SHROOM4: variants seen among roughly 807,000 people sequenced by gnomAD.
SHROOM4 encodes the protein protein Shroom4.
A neutral mutation model predicts 80.3 loss-of-function variants in SHROOM4; 17 were observed. That is an observed-to-expected ratio of 0.21 (90% confidence interval 0.14 to 0.32). The LOEUF (loss-of-function observed/expected upper bound fraction) is 0.32. Among genes scored for constraint, SHROOM4 ranks in the 10% least tolerant of loss-of-function variants. The pLI is 1.00. For synonymous variants in SHROOM4, 400 were observed against 437.5 expected, an observed-to-expected ratio of 0.91 and a Z score of 1.07; for missense variants, 993 against 1,140.3, an observed-to-expected ratio of 0.87 and a Z score of 1.86.
At position 50,596,835 on chromosome X, in the gene SHROOM4, G is replaced by A; in HGVS notation, c.4342C>T (p.Leu1448Phe). ...MVSRYLPQDQ[L>F]QDYQHFVKMK... Reference sequence around the variant, plus strand: ...TTGACAAAGTGCTGGTAATCTTGGAGCTGGTCCTGAGGCAGGTAGCGGGAG... The same window carrying A: ...TTGACAAAGTGCTGGTAATCTTGGAACTGGTCCTGAGGCAGGTAGCGGGAG... Residue 1448 changes from leucine (L) to phenylalanine (F), a missense_variant, in exon 9 of 9, where the codon CTC (leucine) becomes TTC (phenylalanine). Transcript: ENST00000376020. 6 of 1,211,202 alleles carry A rather than the reference G, an allele frequency of 5.0e-6. No homozygotes were observed. Among genetic ancestry groups the A allele is most frequent in the Non-Finnish European group, 6.7e-6 (6 of 895,061 alleles).
intron 1 of SHROOM4, among the ~76,000 whole-genome samples, chrX:50,728,043 T>C (rs1460525209): frequency 8.9e-6 from 1 of 112,033 alleles, no homozygotes; most frequent in Non-Finnish European, 1.9e-5. Flanking sequence ...GGTAGCTCTG[T>C]GATACTAGTG....
At chrX:50,672,994 T>C (rs1436940041) in intron 2 of SHROOM4, among the ~76,000 whole-genome samples, 1 of 111,188 alleles carries the variant, frequency 9.0e-6, no homozygotes, top group Admixed American at 9.5e-5. Context: ...GAGGCAAAAC[T>C]AACAGCATTC....
intron 1 of SHROOM4, among the ~76,000 whole-genome samples, chrX:50,802,161 G>C (rs1408530220): frequency 2.7e-5 from 3 of 112,052 alleles, no homozygotes; most frequent in Non-Finnish European, 5.6e-5. Context: ...GCAAGACAAA[G>C]CTATGGCCAG....
chrX:50,794,069 G>T (rs1419954543), intron 1 of SHROOM4, among the ~76,000 whole-genome samples: 3 of 110,652 alleles, frequency 2.7e-5, no homozygotes, highest in Non-Finnish European at 3.8e-5. Flanking sequence ...GCCAGAGAGA[G>T]AAATCAAGAG....
At chrX:50,672,282 G>A (rs1241143274) in intron 2 of SHROOM4, among the ~76,000 whole-genome samples, 2 of 111,886 alleles carry the variant, frequency 1.8e-5, no homozygotes, top group Non-Finnish European at 1.9e-5. Flanking sequence ...CATGAAGTGA[G>A]AACATGCTAT....
intron 6 of SHROOM4, among the ~76,000 whole-genome samples, chrX:50,606,118 A>C (rs1929656257): frequency 9.3e-6 from 1 of 107,257 alleles, no homozygotes; most frequent in South Asian, 4.3e-4. Flanking sequence ...TTTAGGGTAC[A>C]TGTGCACATT....
At chrX:50,637,207 G>A (rs868993620) in intron 3 of SHROOM4, among the ~76,000 whole-genome samples, 1 of 111,728 alleles carries the variant, frequency 9.0e-6, no homozygotes, top group African/African-American at 3.3e-5. Flanking sequence ...ACTAGAACCC[G>A]AGAGGTTGCA....
At chrX:50,788,659 A>G in intron 1 of SHROOM4, among the ~76,000 whole-genome samples, 1 of 111,652 alleles carries the variant, frequency 9.0e-6, no homozygotes, top group Non-Finnish European at 1.9e-5. Flanking sequence ...AAAATTGGCA[A>G]TACTAAGTTC....
chrX:50,803,480 G>A (rs1936169351), intron 1 of SHROOM4, among the ~76,000 whole-genome samples: 1 of 111,968 alleles, frequency 8.9e-6, no homozygotes, highest in African/African-American at 3.2e-5. Flanking sequence ...TGTGTCTTTA[G>A]GACATGCAGT....
chrX:50,587,362 G>A lies in SHROOM4; in HGVS notation c.*9333C>T, dbSNP rs1301131449. 8.9e-6 allele frequency among the ~76,000 whole-genome samples: 1 copy of A among 112,072 alleles called. No individual in the cohort carries two copies. Among genetic ancestry groups the A allele is most frequent in the Non-Finnish European group, 1.9e-5 (1 of 53,179 alleles). On this transcript the variant is annotated 3_prime_UTR_variant, in exon 9 of 9. Coordinates refer to ENST00000376020, the MANE Select transcript of SHROOM4 (RefSeq NM_020717.5). ...AATATTAAGAATACGATGACCATATGATGCAGAGATTCTTCTTCTGGGTAA... is the reference window on the plus strand; with the variant it reads ...AATATTAAGAATACGATGACCATATAATGCAGAGATTCTTCTTCTGGGTAA...
intron 2 of SHROOM4, among the ~76,000 whole-genome samples, chrX:50,682,073 C>A (rs782011260): frequency 1.3e-4 from 14 of 111,915 alleles, no homozygotes; most frequent in Admixed American, 3.8e-4. Flanking sequence ...TATATTTGGA[C>A]GTCTTACAGA....
At chrX:50,600,014 G>A (rs1249105363) in intron 7 of SHROOM4, among the ~76,000 whole-genome samples, 2 of 110,692 alleles carry the variant, frequency 1.8e-5, no homozygotes, top group Admixed American at 9.7e-5. Flanking sequence ...TTTTAGAGTC[G>A]GAGACATCTG....
intron 2 of SHROOM4, among the ~76,000 whole-genome samples, chrX:50,693,568 A>G (rs1933280438): frequency 3.0e-5 from 3 of 99,498 alleles, no homozygotes; most frequent in African/African-American, 4.4e-5. Context: ...TCCATTTCAA[A>G]AAAAAAAAAA....
Position 50,596,802 on chromosome X carries a change from A to G in SHROOM4, c.4375T>C (p.Ser1459Pro). Residue 1459 changes from serine (S) to proline (P), a missense_variant, in exon 9 of 9, where the codon TCT (serine) becomes CCT (proline). Ser to Pro is a moderately conservative substitution (Grantham distance 74). Coordinates refer to ENST00000376020, the MANE Select transcript of SHROOM4 (RefSeq NM_020717.5). The part of the protein sequence containing the change: ...QDYQHFVKMK[S>P]ALIIEQRELE... The stretch of plus-strand genomic sequence containing the variant: ...TCTCGCTGTTCAATGATGAGAGCAG[A>G]TTTCATCTTGACAAAGTGCTGGTAA... The G allele has an allele frequency of 8.3e-7, 1 of 1,211,249 alleles. No homozygotes were observed. The highest frequency in any genetic ancestry group is 1.1e-6 in the Non-Finnish European group (1 of 895,101).
At chrX:50,780,481 G>C (rs1031956006) in intron 1 of SHROOM4, among the ~76,000 whole-genome samples, 15 of 111,858 alleles carry the variant, frequency 1.3e-4, no homozygotes, top group African/African-American at 4.6e-4. Flanking sequence ...GGGAGTAAAT[G>C]AGAACCTAAG....
chrX:50,707,004 A>G (rs1021445105), intron 1 of SHROOM4, among the ~76,000 whole-genome samples: 10 of 112,318 alleles, frequency 8.9e-5, no homozygotes, highest in African/African-American at 2.9e-4. Flanking sequence ...TACTCCCACC[A>G]TCTGGGAATT....
chrX:50,705,827 C>T (rs1367907329), intron 1 of SHROOM4, among the ~76,000 whole-genome samples: 1 of 110,865 alleles, frequency 9.0e-6, no homozygotes. Context: ...TATGGGCAAA[C>T]TTCAAGCCCT....
the SHROOM4 span, among the ~76,000 whole-genome samples, chrX:50,577,930 G>A: frequency 8.9e-6 from 1 of 111,894 alleles, no homozygotes; most frequent in Non-Finnish European, 1.9e-5. Flanking sequence ...TTTCAAACAA[G>A]TTTTAAGATG....
At chrX:50,723,393 G>GGAGAGAGAGAGAGAGAGA (rs782457909) in intron 1 of SHROOM4, among the ~76,000 whole-genome samples, 3 of 54,477 alleles carry the variant, frequency 5.5e-5, no homozygotes, top group Admixed American at 2.9e-4. Flanking sequence ...AGCAAGGGAG[G>GGAGAGAGAGAGAGAGAGA]GAGAGAGAGA....
Sources: gnomAD v4.1 joint callset for allele counts (sites outside exome capture counted in the v4.1 genomes callset) on GRCh38, gnomAD v4.1.1 for gene constraint, MANE v1.5 for transcripts, NCBI Gene and HGNC (gene_info 2026-07-23, HGNC 2026-07-21) for gene names.